Variants in RAB31 observed in about 807,000 individuals in gnomAD.
RAB31 encodes ras-related protein Rab-31.
RAB31 carries 21 observed loss-of-function variants against 25.6 expected under a neutral mutation model. The ratio of observed to expected loss-of-function variants is 0.82; its 90% CI spans 0.58 to 1.18. RAB31 has a LOEUF of 1.18. RAB31 is among the 50% of genes most tolerant of loss of function. RAB31 has a pLI of 0.00. For synonymous variants in RAB31, 87 were observed against 84.0 expected (o/e 1.04, Z -0.20); for missense variants, 196 against 250.1 (o/e 0.78, Z 1.46).
At chr18:9,835,080 G>A (rs193198360) in intron 5 of RAB31, among the ~76,000 whole-genome samples, 33 of 152,220 alleles carry the variant, frequency 2.2e-4, no homozygotes, top group Admixed American at 9.8e-4. Flanking sequence ...TATCCTCTTC[G>A]TATCTTATCA....
At chr18:9,778,598 G>A (rs1178441966) in intron 2 of RAB31, among the ~76,000 whole-genome samples, 1 of 152,108 alleles carries the variant, frequency 6.6e-6, no homozygotes, top group African/African-American at 2.4e-5. Flanking sequence ...AGCCTCCCAA[G>A]TAGCTGGGAT....
intron 5 of RAB31, among the ~76,000 whole-genome samples, chr18:9,818,993 G>A (rs1045305471): frequency 1.3e-5 from 2 of 151,972 alleles, no homozygotes; most frequent in Non-Finnish European, 2.9e-5. Context: ...TTTTATTATC[G>A]AGTTGTAAGA....
intron 1 of RAB31, among the ~76,000 whole-genome samples, chr18:9,733,160 C>T (rs1174365957): frequency 6.6e-6 from 1 of 152,194 alleles, no homozygotes; most frequent in Admixed American, 6.5e-5. Context: ...AGTGGGATCA[C>T]TTCCATTGGA....
At chr18:9,827,539 TC>T (rs1397608998) in intron 5 of RAB31, among the ~76,000 whole-genome samples, 2 of 149,426 alleles carry the variant, frequency 1.3e-5, no homozygotes, top group Non-Finnish European at 3.0e-5. Context: ...TCATGCACTC[TC>T]GCCTCTTCTG....
chr18:9,775,412 T>G, intron 2 of RAB31, 55 bp downstream of exon 2: 1 of 1,609,140 alleles, frequency 6.2e-7, no homozygotes, highest in Non-Finnish European at 8.5e-7. Context: ...GGCATCAGAA[T>G]GACCACTCTG....
intron 1 of RAB31, among the ~76,000 whole-genome samples, chr18:9,743,486 G>T (rs1005463649): frequency 4.6e-5 from 7 of 152,140 alleles, no homozygotes; most frequent in African/African-American, 1.7e-4. Context: ...TGATTCACTG[G>T]AGGGCTAGTT....
At chr18:9,825,899 C>T (rs971339007) in intron 5 of RAB31, among the ~76,000 whole-genome samples, 30 of 152,096 alleles carry the variant, frequency 2.0e-4, no homozygotes, top group Non-Finnish European at 2.2e-4. Context: ...TGGGCACTCA[C>T]GGACATAAAG....
chr18:9,736,316 T>G (rs891005082), intron 1 of RAB31, among the ~76,000 whole-genome samples: 2 of 152,166 alleles, frequency 1.3e-5, no homozygotes, highest in Admixed American at 6.5e-5. Flanking sequence ...ATCCTAAACC[T>G]AAAACCGTTG....
intron 1 of RAB31, among the ~76,000 whole-genome samples, chr18:9,751,734 T>A (rs781660314): frequency 3.9e-5 from 6 of 152,242 alleles, no homozygotes; most frequent in East Asian, 1.9e-4. Context: ...AAGTGGTTCA[T>A]TTAATGATGT....
chr18:9,792,144 C>CT lies in RAB31; in HGVS notation c.120-4dup, dbSNP rs774007358. On this transcript the variant is annotated splice_polypyrimidine_tract_variant and intron_variant, in intron 2 of 6. Transcript: ENST00000578921. ...GCAGTAATGTGGAGATGCTGACTCT[C>CT]TTTTTTCAGGGCATCTTTTATGACC... The CT allele has an allele frequency of 9.3e-6, 15 of 1,605,556 alleles. No individual in the cohort carries two copies. Among genetic ancestry groups the CT allele is most frequent in the Non-Finnish European group, 1.3e-5 (15 of 1,175,604 alleles).
intron 5 of RAB31, among the ~76,000 whole-genome samples, chr18:9,827,379 A>T (rs901019780): frequency 6.6e-6 from 1 of 152,084 alleles, no homozygotes; most frequent in Non-Finnish European, 1.5e-5. Flanking sequence ...AACAGTGACG[A>T]TGGGGGCTGG....
In RAB31 at chr18:9,708,339, G is replaced by C; in HGVS notation, c.-67G>C. 7.7e-7 allele frequency: 1 copy of C among 1,296,840 alleles called. No homozygotes were observed. Among genetic ancestry groups the C allele is most frequent in the Non-Finnish European group, 1.0e-6 (1 of 974,948 alleles). 80.3% of individuals were successfully genotyped at this position (1,296,840 alleles called of 1,614,324 possible). A position where few individuals can be genotyped will look rare whatever the true frequency, so the allele number is the denominator to read the frequency against. On this transcript the variant is annotated 5_prime_UTR_variant, in exon 1 of 7. Coordinates refer to ENST00000578921, the MANE Select transcript of RAB31 (RefSeq NM_006868.4). This position sits in a 1 kb window ranked among gnomAD's most constrained non-coding sequence, Gnocchi z 6.4. The stretch of plus-strand genomic sequence containing the variant: ...GCGAGGGGCAGAGGCGAGAGACGCC[G>C]GCGGGGCGCGGGCGCGGCGGCCCCG...
At chr18:9,769,887 G>A (rs191733581) in intron 1 of RAB31, among the ~76,000 whole-genome samples, 4 of 152,290 alleles carry the variant, frequency 2.6e-5, no homozygotes, top group African/African-American at 9.6e-5. Flanking sequence ...AGAGTTTTTA[G>A]CATGAAGTCG....
chr18:9,757,176 A>AG (rs1420208484), intron 1 of RAB31, among the ~76,000 whole-genome samples: 4 of 152,200 alleles, frequency 2.6e-5, no homozygotes, highest in African/African-American at 9.7e-5. Context: ...TGGCTGGGGA[A>AG]GGGGATGCCT....
At chr18:9,718,403 G>T (rs543823149) in intron 1 of RAB31, among the ~76,000 whole-genome samples, 1 of 152,012 alleles carries the variant, frequency 6.6e-6, no homozygotes, top group African/African-American at 2.4e-5. Context: ...GGGATTACAG[G>T]CATGCGCCAC....
At position 9,859,340 on chromosome 18, in the gene RAB31, T is replaced by A. The variant is rs1347571119; in HGVS notation, c.*15T>A. On this transcript the variant is annotated 3_prime_UTR_variant, in exon 7 of 7. Coordinates refer to ENST00000578921, the MANE Select transcript of RAB31 (RefSeq NM_006868.4). Reference sequence around the variant, plus strand: ...GGTGCTGTTGACCCAAGGGCCGTGGTCCACGGTACTTGAAGAAGCCAGAGC... The same window carrying A: ...GGTGCTGTTGACCCAAGGGCCGTGGACCACGGTACTTGAAGAAGCCAGAGC... 1 of 1,595,684 alleles carries A rather than the reference T, an allele frequency of 6.3e-7. No homozygotes were observed. Among genetic ancestry groups the A allele is most frequent in the Admixed American group, 1.7e-5 (1 of 59,982 alleles).
intron 5 of RAB31, among the ~76,000 whole-genome samples, chr18:9,837,931 A>G (rs1477546816): frequency 6.6e-6 from 1 of 152,182 alleles, no homozygotes; most frequent in Non-Finnish European, 1.5e-5. Flanking sequence ...GAGTTGGATA[A>G]CACTACAAAG....
intron 3 of RAB31, among the ~76,000 whole-genome samples, chr18:9,792,795 A>G (rs1251549767): frequency 1.3e-5 from 2 of 152,136 alleles, no homozygotes; most frequent in Admixed American, 1.3e-4. Context: ...CCCTAGAGGC[A>G]AGGGCTGGTG....
At chr18:9,734,487 A>G (rs2068140504) in intron 1 of RAB31, among the ~76,000 whole-genome samples, 1 of 152,206 alleles carries the variant, frequency 6.6e-6, no homozygotes, top group Non-Finnish European at 1.5e-5. Flanking sequence ...GAGTGAGCTA[A>G]GGGTGAGCCG....
Sources: allele counts gnomAD v4.1 joint callset (sites outside exome capture counted in the v4.1 genomes callset), GRCh38; gene constraint gnomAD v4.1.1; non-coding constraint Gnocchi (gnomAD v3.1); transcripts MANE v1.5; gene names NCBI Gene and HGNC (gene_info 2026-07-23, HGNC 2026-07-21).